Variants in NPR3 observed in about 807,000 individuals in gnomAD.
The protein encoded by NPR3 is atrial natriuretic peptide receptor 3.
A neutral mutation model predicts 54.5 loss-of-function variants in NPR3; 34 were observed. That is an observed-to-expected ratio of 0.62 (90% CI 0.47 to 0.83). The LOEUF (loss-of-function observed/expected upper bound fraction) is 0.83, where lower values mean the gene tolerates loss of function less well. Ranked by LOEUF, NPR3 falls within the 40% of genes least tolerant of loss-of-function variation. The pLI, the probability that NPR3 is intolerant of heterozygous loss-of-function variation, is 0.00. For synonymous variants in NPR3, 289 were observed against 297.1 expected, an observed-to-expected ratio of 0.97 and a Z score of 0.28; for missense variants, 674 against 720.8, an observed-to-expected ratio of 0.94 and a Z score of 0.74.
intron 3 of NPR3, among the ~76,000 whole-genome samples, chr5:32,743,250 T>C (rs1740125242): frequency 6.6e-6 from 1 of 152,206 alleles, no homozygotes; most frequent in African/African-American, 2.4e-5. Flanking sequence ...TAAGATGCAA[T>C]ACAGAGAGAT....
At chr5:32,738,330 C>T (rs1739859808) in intron 2 of NPR3, among the ~76,000 whole-genome samples, 2 of 151,972 alleles carry the variant, frequency 1.3e-5, no homozygotes, top group South Asian at 4.2e-4. Flanking sequence ...ATGTTCCCCT[C>T]CCTGTGTCTA....
chr5:32,774,642 G>C, intron 3 of NPR3, 66 bp from the exon 4 acceptor site: 1 of 1,240,878 alleles, frequency 8.1e-7, no homozygotes, highest in South Asian at 1.2e-5. Flanking sequence ...GCTTTGGATT[G>C]CTCATCTTAT....
intron 6 of NPR3, among the ~76,000 whole-genome samples, chr5:32,784,583 T>C (rs1333209645): frequency 6.6e-6 from 1 of 152,170 alleles, no homozygotes; most frequent in Non-Finnish European, 1.5e-5. Context: ...ATCTGGCACT[T>C]TCTCAAGTGG....
rs1742141461 is a variant in NPR3, at chr5:32,777,866, A to G, written c.1196-2856A>G. 2.0e-5 allele frequency among the ~76,000 whole-genome samples: 3 copies of G among 152,204 alleles called. No individual in the cohort carries two copies. In the South Asian group the frequency reaches 6.2e-4, roughly 32 times the overall value. On this transcript the variant is annotated intron_variant, in intron 4 of 7. Transcript: ENST00000265074. ...TCCAATAGGATAATTCAGGGGGCAT[A>G]TTAGGACAGAGCCAAATTTCCCAGA...
At chr5:32,703,719 G>A (rs768391290) in intron 1 of NPR3, among the ~76,000 whole-genome samples, 1 of 152,214 alleles carries the variant, frequency 6.6e-6, no homozygotes, top group Non-Finnish European at 1.5e-5. Flanking sequence ...GGCTGAGCTG[G>A]TAGCCAAATT....
At chr5:32,701,809 A>G (rs1737809327) in intron 1 of NPR3, among the ~76,000 whole-genome samples, 1 of 152,224 alleles carries the variant, frequency 6.6e-6, no homozygotes, top group African/African-American at 2.4e-5. Flanking sequence ...TGGATGAGAC[A>G]CGAAAGAGTA....
chr5:32,763,381 A>AGCTG (rs1482856689), intron 3 of NPR3, among the ~76,000 whole-genome samples: 2 of 151,972 alleles, frequency 1.3e-5, no homozygotes, highest in African/African-American at 4.8e-5. Flanking sequence ...GGCAGTGCAG[A>AGCTG]GCTGCAGTGC....
intron 3 of NPR3, among the ~76,000 whole-genome samples, chr5:32,771,282 AGCTCTCCTGCTAATTTTG>A (rs1215877044): frequency 6.6e-6 from 1 of 152,180 alleles, no homozygotes; most frequent in Non-Finnish European, 1.5e-5. Context: ...CAGGGTCAGC[AGCTCTCCTGCTAATTTTG>A]GCAGGAGAGG....
intron 3 of NPR3, among the ~76,000 whole-genome samples, chr5:32,740,979 A>T (rs1470597148): frequency 6.6e-6 from 1 of 151,886 alleles, no homozygotes; most frequent in Admixed American, 6.6e-5. Context: ...AGTGCTGCTA[A>T]ATGTAGCCTG....
rs568944478 is a variant in NPR3, at chr5:32,764,788, C to CAA, written c.1060-9893_1060-9892dup. ...GGGTGACAAGAGTGAGGGTCCATCT[C>CAA]AAAAAAAAAAAAAAAAAAAAAAAAA... On this transcript the variant is annotated intron_variant, in intron 3 of 7. Coordinates refer to ENST00000265074, the MANE Select transcript of NPR3 (RefSeq NM_001204375.2). 6.4e-3 allele frequency among the ~76,000 whole-genome samples: 235 copies of CAA among 36,458 alleles called. 17 individuals carry two copies. The highest frequency in any genetic ancestry group is 0.02 in the African/African-American group (210 of 10,294). The allele number at this position is 36,458 out of a possible 152,430, so 23.9% of individuals were successfully genotyped here.
chr5:32,771,136 T>G (rs1366263415), intron 3 of NPR3, among the ~76,000 whole-genome samples: 1 of 152,078 alleles, frequency 6.6e-6, no homozygotes, highest in Non-Finnish European at 1.5e-5. Flanking sequence ...TTCTTCCCAC[T>G]AAAAATCGCG....
At chr5:32,710,633 C>A, upstream of NPR3, 1 of 1,460,766 alleles carries the variant, frequency 6.8e-7, no homozygotes. Flanking sequence ...GTAGGTGACG[C>A]CCGGGCCAGC....
At chr5:32,712,919 C>T (rs532308908) in intron 1 of NPR3, among the ~76,000 whole-genome samples, 2 of 152,248 alleles carry the variant, frequency 1.3e-5, no homozygotes, top group South Asian at 4.2e-4. Context: ...CTGAAGCATC[C>T]GAGGCGGAAA....
intron 1 of NPR3, among the ~76,000 whole-genome samples, chr5:32,703,882 G>A (rs1737899318): frequency 6.6e-6 from 1 of 152,224 alleles, no homozygotes; most frequent in Non-Finnish European, 1.5e-5. Flanking sequence ...TAGGTCATGT[G>A]TCCCCCACAT....
intron 4 of NPR3, among the ~76,000 whole-genome samples, chr5:32,779,884 A>G (rs1742248667): frequency 6.6e-6 from 1 of 152,248 alleles, no homozygotes. Flanking sequence ...GTTTTGTCTC[A>G]TTTAATCTTC....
chr5:32,711,709 G>C lies in NPR3; in HGVS notation c.-68G>C. ...CTTGGAGAGAAGAGTGGGGAGGAAA[G>C]AGGAAGGGTGGGTGGGGGGCAGAGG... On this transcript the variant is annotated 5_prime_UTR_variant, in exon 1 of 8. Transcript: ENST00000265074. The C allele has an allele frequency of 7.2e-7, 1 of 1,394,352 alleles. No homozygotes were observed. The highest frequency in any genetic ancestry group is 9.3e-7 in the Non-Finnish European group (1 of 1,076,470). 86.4% of individuals were successfully genotyped at this position (1,394,352 alleles called of 1,614,324 possible).
intron 3 of NPR3, among the ~76,000 whole-genome samples, chr5:32,750,283 C>T (rs1244581649): frequency 2.0e-5 from 3 of 152,152 alleles, no homozygotes; most frequent in Admixed American, 6.5e-5. Flanking sequence ...CGCCGGCTAC[C>T]ACGCATGGCT....
intron 4 of NPR3, among the ~76,000 whole-genome samples, chr5:32,777,180 A>G (rs1020874715): frequency 1.3e-5 from 2 of 152,238 alleles, no homozygotes; most frequent in Non-Finnish European, 2.9e-5. Context: ...TGAGACAGAA[A>G]GTCACCTGAG....
chr5:32,780,181 A>G (rs1030773791), intron 4 of NPR3, among the ~76,000 whole-genome samples: 3 of 152,254 alleles, frequency 2.0e-5, no homozygotes, highest in African/African-American at 7.2e-5. Context: ...GAAGAACTCA[A>G]CCAAGATAAA....
Sources: allele counts gnomAD v4.1 joint callset (sites outside exome capture counted in the v4.1 genomes callset), GRCh38; gene constraint gnomAD v4.1.1; transcripts MANE v1.5; gene names NCBI Gene and HGNC (gene_info 2026-07-23, HGNC 2026-07-21).